Variants in ZCCHC7 observed in about 807,000 individuals in gnomAD.
The protein encoded by ZCCHC7 is zinc finger CCHC-type containing 7, also known as zinc finger CCHC domain-containing protein 7.
ZCCHC7 carries 35 observed loss-of-function variants against 52.0 expected under a neutral mutation model. That is an observed-to-expected ratio of 0.67 (90% CI 0.51 to 0.89). The LOEUF (loss-of-function observed/expected upper bound fraction) is 0.89. ZCCHC7 is among the 40% of genes least tolerant of loss of function. The pLI is 0.00. For missense variants in ZCCHC7, 574 were observed against 649.1 expected (o/e 0.88, Z 1.26); for synonymous variants, 217 against 221.5 (o/e 0.98, Z 0.18).
chr9:37,215,791 A>G (rs1390343800), intron 2 of ZCCHC7, among the ~76,000 whole-genome samples: 6 of 152,256 alleles, frequency 3.9e-5, no homozygotes, highest in Admixed American at 1.3e-4. Flanking sequence ...AGACTTGTTT[A>G]AGATTAAAAT....
intron 2 of ZCCHC7, among the ~76,000 whole-genome samples, chr9:37,156,145 G>C (rs758507155): frequency 6.6e-6 from 1 of 152,178 alleles, no homozygotes; most frequent in Non-Finnish European, 1.5e-5. Context: ...TAGATTTCTT[G>C]ATAGATTTCT....
chr9:37,265,461 G>A (rs1415310865), intron 2 of ZCCHC7, among the ~76,000 whole-genome samples: 1 of 152,104 alleles, frequency 6.6e-6, no homozygotes, highest in African/African-American at 2.4e-5. Flanking sequence ...CTTGTTTCTA[G>A]CCATGTTTTT....
chr9:37,349,272 C>A, intron 6 of ZCCHC7, 85 bp from the exon 7 acceptor site: 2 of 1,357,846 alleles, frequency 1.5e-6, no homozygotes, highest in East Asian at 2.3e-5. Context: ...CTAAGGAATC[C>A]CTTACCTATA....
At chr9:37,231,934 C>T (rs150602599) in intron 2 of ZCCHC7, among the ~76,000 whole-genome samples, 1 of 152,286 alleles carries the variant, frequency 6.6e-6, no homozygotes, top group East Asian at 1.9e-4. Flanking sequence ...CACTGTTACT[C>T]CCTTTCTGCT....
At chr9:37,206,022 T>A (rs1823890445) in intron 2 of ZCCHC7, among the ~76,000 whole-genome samples, 5 of 152,162 alleles carry the variant, frequency 3.3e-5, no homozygotes, top group Admixed American at 3.3e-4. Flanking sequence ...GACAACGTCA[T>A]TTGTTCTAAA....
intron 2 of ZCCHC7, among the ~76,000 whole-genome samples, chr9:37,157,600 C>T (rs1368611583): frequency 2.0e-5 from 3 of 152,158 alleles, no homozygotes; most frequent in African/African-American, 7.2e-5. Flanking sequence ...ATATTTGTAG[C>T]AAACCAAGTA....
At chr9:37,222,336 T>A (rs1283161322) in intron 2 of ZCCHC7, among the ~76,000 whole-genome samples, 6 of 103,180 alleles carry the variant, frequency 5.8e-5, no homozygotes, top group Non-Finnish European at 1.3e-4. Context: ...AGAGTGTGTG[T>A]GTGTGTGTGT....
chr9:37,273,385 C>T (rs1169191500), intron 2 of ZCCHC7, among the ~76,000 whole-genome samples: 1 of 152,170 alleles, frequency 6.6e-6, no homozygotes, highest in African/African-American at 2.4e-5. Flanking sequence ...TGCCTGTAGT[C>T]CCAGCTACTC....
At chr9:37,319,340 A>G (rs560326213) in intron 5 of ZCCHC7, among the ~76,000 whole-genome samples, 1 of 152,220 alleles carries the variant, frequency 6.6e-6, no homozygotes, top group East Asian at 1.9e-4. Flanking sequence ...TATTTTCTTG[A>G]CGGTTCTCAG....
At chr9:37,252,948 T>C (rs1826401447) in intron 2 of ZCCHC7, among the ~76,000 whole-genome samples, 1 of 152,104 alleles carries the variant, frequency 6.6e-6, no homozygotes, top group African/African-American at 2.4e-5. Context: ...CTAAATTAAT[T>C]TCACACCTTT....
chr9:37,203,455 GCT>G (rs1319033345), intron 2 of ZCCHC7, among the ~76,000 whole-genome samples: 1 of 152,150 alleles, frequency 6.6e-6, no homozygotes, highest in East Asian at 1.9e-4. Flanking sequence ...TTGTCCTGAT[GCT>G]CTCTCTCCCC....
chr9:37,348,726 T>C (rs1821179000), intron 6 of ZCCHC7, among the ~76,000 whole-genome samples: 1 of 152,174 alleles, frequency 6.6e-6, no homozygotes, highest in Non-Finnish European at 1.5e-5. Flanking sequence ...ATAAAGCTCA[T>C]GCTCCTTTAC....
chr9:37,262,490 ATCT>A (rs879303656), intron 2 of ZCCHC7, among the ~76,000 whole-genome samples: 1 of 152,204 alleles, frequency 6.6e-6, no homozygotes, highest in Non-Finnish European at 1.5e-5. Flanking sequence ...TAATGGCAGT[ATCT>A]TCTTTATTAG....
chr9:37,197,355 G>T (rs556582887), intron 2 of ZCCHC7, among the ~76,000 whole-genome samples: 2 of 152,306 alleles, frequency 1.3e-5, no homozygotes, highest in South Asian at 4.2e-4. Context: ...ATATAAACAT[G>T]CTATGCATGA....
At chr9:37,122,943 G>GA (rs1022109326) in intron 1 of ZCCHC7, among the ~76,000 whole-genome samples, 1 of 152,084 alleles carries the variant, frequency 6.6e-6, no homozygotes, top group Non-Finnish European at 1.5e-5. Flanking sequence ...TCTCAAGGGG[G>GA]AAAAAAAGAA....
intron 5 of ZCCHC7, among the ~76,000 whole-genome samples, chr9:37,318,204 G>A (rs1048332367): frequency 4.6e-5 from 7 of 151,892 alleles, no homozygotes; most frequent in South Asian, 4.2e-4. Flanking sequence ...TTATTCAGCC[G>A]TTTCGAAAAT....
At chr9:37,197,577 T>C (rs1449761664) in intron 2 of ZCCHC7, among the ~76,000 whole-genome samples, 1 of 152,196 alleles carries the variant, frequency 6.6e-6, no homozygotes, top group Non-Finnish European at 1.5e-5. Flanking sequence ...ATTTCAGAGA[T>C]GTAGATTTGT....
chr9:37,215,087 T>G (rs1395696006), intron 2 of ZCCHC7, among the ~76,000 whole-genome samples: 6 of 152,142 alleles, frequency 3.9e-5, no homozygotes, highest in Non-Finnish European at 8.8e-5. Flanking sequence ...TGACTACTGA[T>G]GAACAGAGGG....
At chr9:37,256,401 C>T (rs1826588013) in intron 2 of ZCCHC7, among the ~76,000 whole-genome samples, 2 of 152,060 alleles carry the variant, frequency 1.3e-5, no homozygotes, top group Admixed American at 6.6e-5. Flanking sequence ...TTACCTTTTT[C>T]AATGTGTTGA....
Sources: gnomAD v4.1 joint callset for allele counts (sites outside exome capture counted in the v4.1 genomes callset) on GRCh38, gnomAD v4.1.1 for gene constraint, MANE v1.5 for transcripts, NCBI Gene and HGNC (gene_info 2026-07-23, HGNC 2026-07-21) for gene names.